The following SYTL2 variants were observed in gnomAD, a reference collection of about 807,000 sequenced individuals.
SYTL2 encodes the protein synaptotagmin like 2, also known as synaptotagmin-like protein 2.
A neutral mutation model predicts 198.7 loss-of-function variants in SYTL2; 165 were observed. The ratio of observed to expected loss-of-function variants is 0.83; its 90% confidence interval spans 0.73 to 0.94. The LOEUF (loss-of-function observed/expected upper bound fraction) is 0.94. Ranked by LOEUF, SYTL2 falls within the 40% of genes least tolerant of loss-of-function variation. The pLI is 0.00. For synonymous variants in SYTL2, 966 were observed against 917.7 expected (o/e 1.05, Z -0.95); for missense variants, 2,835 against 2,582.8 (o/e 1.10, Z -2.12).
In SYTL2 at chr11:85,727,076, T is replaced by C. The variant is rs1173438114; in HGVS notation, c.2282A>G (p.Asn761Ser). 17 of 1,535,958 alleles carry C rather than the reference T, an allele frequency of 1.1e-5. No individual in the cohort carries two copies. Among genetic ancestry groups the C allele is most frequent in the African/African-American group, 4.1e-5 (3 of 73,024 alleles). ...NIKSTPGVAN[N>S]GSPWKKPEVQ... ...CTCAGGCTTCTTCCAAGGAGAGCCA[T>C]TGTTGGCAACCCCAGGTGTTGACTT... is the stretch of plus-strand genomic sequence containing the variant. The change falls in exon 8 of 20, where the codon AAT (asparagine) becomes AGT (serine). Residue 761 changes from asparagine to serine, a missense_variant. Physicochemically the swap from Asn to Ser is conservative, Grantham distance 46. This residue lies in a region of SYTL2 where 2,645 missense variants were observed against 2,381.7 expected (regional missense o/e 1.11). Transcript: ENST00000359152.
intron 1 of SYTL2, among the ~76,000 whole-genome samples, chr11:85,793,349 T>G (rs1017807411): frequency 6.6e-6 from 1 of 152,240 alleles, no homozygotes; most frequent in Non-Finnish European, 1.5e-5. Flanking sequence ...TATCTCATTG[T>G]AGTTTTGATT....
At chr11:85,810,576 ACC>A (rs2093019077) in intron 1 of SYTL2, among the ~76,000 whole-genome samples, 1 of 151,900 alleles carries the variant, frequency 6.6e-6, no homozygotes, top group African/African-American at 2.4e-5. Flanking sequence ...TGACGCTCCT[ACC>A]TTTCTGCACC....
chr11:85,761,352 G>A (rs1006585153), intron 1 of SYTL2, among the ~76,000 whole-genome samples: 6 of 152,136 alleles, frequency 3.9e-5, no homozygotes, highest in Non-Finnish European at 5.9e-5. Context: ...TGACAGCGAT[G>A]AGGAAACAAG....
intron 1 of SYTL2, among the ~76,000 whole-genome samples, chr11:85,774,640 A>G (rs2092420080): frequency 1.3e-5 from 2 of 152,228 alleles, no homozygotes; most frequent in Non-Finnish European, 2.9e-5. Flanking sequence ...CCCAATTTAG[A>G]AGCTTATATA....
rs1314369742 is a variant in SYTL2 at position 85,724,593 on chromosome 11, C to G, written c.4765G>C (p.Glu1589Gln). The change falls in exon 8 of 20, where the codon GAA (glutamate) becomes CAA (glutamine). Residue 1589 changes from glutamate (E) to glutamine (Q), a missense_variant. Physicochemically the swap from Glu to Gln is conservative, Grantham distance 29 (BLOSUM62 2). Around this residue, in one of 3 missense-constraint regions of SYTL2, gnomAD observed 2,645 missense variants for 2,381.7 expected, o/e 1.11. Coordinates refer to ENST00000359152, the MANE Select transcript of SYTL2 (RefSeq NM_206927.4). ...GAGGACTCCTTCTCGTGAGTTTCTT[C>G]TCTCACTGACACCTGGGGCTGATAA... is the stretch of plus-strand genomic sequence containing the variant. The part of the protein sequence containing the change: ...PPYQPQVSVR[E>Q]ETHEKESSQS... 6.2e-7 allele frequency: 1 copy of G among 1,612,846 alleles called. No individual in the cohort carries two copies. The highest frequency in any genetic ancestry group is 1.7e-5 in the Admixed American group (1 of 59,728).
At chr11:85,719,146 C>A (rs2087861838) in intron 9 of SYTL2, 1 of 1,408,936 alleles carries the variant, frequency 7.1e-7, no homozygotes, top group African/African-American at 1.4e-5. Flanking sequence ...CACGGGGCTG[C>A]AACAGCCTCT....
At chr11:85,702,333 G>A (rs908027777) in intron 16 of SYTL2, among the ~76,000 whole-genome samples, 1 of 152,010 alleles carries the variant, frequency 6.6e-6, no homozygotes, top group African/African-American at 2.4e-5. Context: ...GGGGCTATAG[G>A]TGCATGCCAC....
intron 7 of SYTL2, among the ~76,000 whole-genome samples, chr11:85,732,056 C>A (rs570018331): frequency 6.6e-6 from 1 of 152,240 alleles, no homozygotes; most frequent in Non-Finnish European, 1.5e-5. Context: ...CCATCTCACT[C>A]CAGTTAGAAT....
chr11:85,772,942 A>G (rs901923883), intron 1 of SYTL2, among the ~76,000 whole-genome samples: 1 of 152,212 alleles, frequency 6.6e-6, no homozygotes, highest in Non-Finnish European at 1.5e-5. Flanking sequence ...TGGGGTCATT[A>G]GCCCAAACCA....
intron 1 of SYTL2, among the ~76,000 whole-genome samples, chr11:85,774,083 A>G (rs2092409167): frequency 6.6e-6 from 1 of 152,216 alleles, no homozygotes; most frequent in Non-Finnish European, 1.5e-5. Context: ...GTGATATTAC[A>G]CAGAAAACCA....
intron 13 of SYTL2, among the ~76,000 whole-genome samples, chr11:85,709,757 A>T (rs907243526): frequency 5.9e-5 from 9 of 152,114 alleles, no homozygotes; most frequent in African/African-American, 2.2e-4. Flanking sequence ...ATCTCGGCTC[A>T]CTGCAACCTC....
At chr11:85,748,216 C>G in intron 3 of SYTL2, 56 bp downstream of exon 3, 1 of 1,572,534 alleles carries the variant, frequency 6.4e-7, no homozygotes, top group East Asian at 2.3e-5. Flanking sequence ...CCCTTCTCCC[C>G]GCTCCTCCTT....
At chr11:85,785,089 G>T (rs2092616359) in intron 1 of SYTL2, among the ~76,000 whole-genome samples, 1 of 152,138 alleles carries the variant, frequency 6.6e-6, no homozygotes, top group Admixed American at 6.5e-5. Context: ...TTTGAGCCAA[G>T]AGAAATGCCA....
At chr11:85,815,014 G>A (rs1566053539), upstream of SYTL2, among the ~76,000 whole-genome samples, 2 of 152,068 alleles carry the variant, frequency 1.3e-5, no homozygotes, top group African/African-American at 2.4e-5. Context: ...TAGTTTTAAA[G>A]CTCACCCACT....
chr11:85,700,507 T>C lies in SYTL2; in HGVS notation c.6268+8A>G, dbSNP rs2153374853. ...GGACATAAATCTGAATAGAAAGTCA[T>C]TACATACCAGGGACTGGCTCTGGGA... On this transcript the variant is annotated splice_region_variant and intron_variant, in intron 17 of 19. Coordinates refer to ENST00000359152, the MANE Select transcript of SYTL2 (RefSeq NM_206927.4). The C allele has an allele frequency of 1.2e-6, 2 of 1,607,590 alleles. No individual in the cohort carries two copies. The highest frequency in any genetic ancestry group is 1.3e-5 in the African/African-American group (1 of 74,906).
At chr11:85,805,733 T>C (rs578237005) in intron 1 of SYTL2, among the ~76,000 whole-genome samples, 1 of 152,322 alleles carries the variant, frequency 6.6e-6, no homozygotes, top group South Asian at 2.1e-4. Flanking sequence ...GAAACTTATA[T>C]TCACTCAGAA....
chr11:85,757,898 G>T lies in SYTL2; in HGVS notation c.-173C>A. 2.6e-6 allele frequency: 2 copies of T among 772,758 alleles called. No homozygotes were observed. The highest frequency in any genetic ancestry group is 4.1e-6 in the Non-Finnish European group (2 of 490,310). 47.9% of individuals were successfully genotyped at this position (772,758 alleles called of 1,614,324 possible). On this transcript the variant is annotated 5_prime_UTR_variant, in exon 2 of 20. Transcript: ENST00000359152. ...AAAAGTTTAGGGCAGCTGATAGCAA[G>T]ATCCTAAGTGCTCTTTCCCATGAGG...
At position 85,791,780 on chromosome 11, in the gene SYTL2, A is replaced by G. The variant is rs56972871; in HGVS notation, c.-390+19174T>C. ...GTTAGCAAGATGTTTGGAATAACTC[A>G]TGTGGAGTCATATGTCTAAACTTGG... On this transcript the variant is annotated intron_variant, in intron 1 of 19. Coordinates refer to ENST00000359152, the MANE Select transcript of SYTL2 (RefSeq NM_206927.4). 6.3e-4 allele frequency among the ~76,000 whole-genome samples: 96 copies of G among 152,196 alleles called. 2 individuals are homozygous for G. The highest frequency in any genetic ancestry group is 2.3e-3 in the African/African-American group (94 of 41,454).
chr11:85,713,866 T>G (rs1044198871), intron 12 of SYTL2, among the ~76,000 whole-genome samples: 1 of 152,158 alleles, frequency 6.6e-6, no homozygotes, highest in Non-Finnish European at 1.5e-5. Flanking sequence ...TTGAACCCCC[T>G]TCTAGCTGAG....
Sources: allele counts gnomAD v4.1 joint callset (sites outside exome capture counted in the v4.1 genomes callset), GRCh38; gene constraint gnomAD v4.1.1; regional missense constraint gnomAD v4.1.1; transcripts MANE v1.5; gene names NCBI Gene and HGNC (gene_info 2026-07-23, HGNC 2026-07-21).